Variants in TMBIM4 observed in about 807,000 individuals in gnomAD.
The protein encoded by TMBIM4 is protein lifeguard 4.
Under a neutral mutation model 27.7 loss-of-function variants are expected in TMBIM4, and 28 were observed. That is an observed-to-expected ratio of 1.01 (90% CI 0.75 to 1.38). The LOEUF (loss-of-function observed/expected upper bound fraction) is 1.38, where lower values mean the gene tolerates loss of function less well. Among genes scored for constraint, TMBIM4 ranks in the 40% most tolerant of loss-of-function variants. The probability of loss-of-function intolerance (pLI) is 0.00; values close to 1 mark genes in which losing one functional copy is unlikely to be tolerated. For missense variants in TMBIM4, 265 were observed against 277.5 expected (o/e 0.95, Z 0.32); for synonymous variants, 115 against 113.1 (o/e 1.02, Z -0.11).
intron 3 of TMBIM4, among the ~76,000 whole-genome samples, chr12:66,149,010 A>G (rs2136859795): frequency 6.6e-6 from 1 of 152,296 alleles, no homozygotes; most frequent in Admixed American, 6.5e-5. Context: ...ACTCCACCCT[A>G]CCTGATATCA....
At position 66,136,515 on chromosome 12, in the gene TMBIM4, T is replaced by C. The variant is rs532202235; in HGVS notation, c.*1445A>G. The C allele has an allele frequency of 6.5e-6, 1 of 154,252 alleles. No individual in the cohort carries two copies. Among genetic ancestry groups the C allele is most frequent in the South Asian group, 2.0e-4 (1 of 4,898 alleles). 9.6% of individuals were successfully genotyped at this position (154,252 alleles called of 1,614,324 possible). ...CAAAATTCACATGAAGAAATCCTAA[T>C]CCCAGCACTTCAGAATGTGACTGTA... On this transcript the variant is annotated 3_prime_UTR_variant, in exon 7 of 7. Coordinates refer to ENST00000358230, the MANE Select transcript of TMBIM4 (RefSeq NM_016056.4).
rs960636620 is a variant in TMBIM4 at position 66,136,354 on chromosome 12, T to G, written c.*1606A>C. 1 of 153,266 alleles carries G rather than the reference T, an allele frequency of 6.5e-6. No individual in the cohort carries two copies. The highest frequency in any genetic ancestry group is 1.5e-5 in the Non-Finnish European group (1 of 68,218). The allele number at this position is 153,266 out of a possible 1,614,324, so 9.5% of individuals were successfully genotyped here. A position where few individuals can be genotyped will look rare whatever the true frequency, so the allele number is the denominator to read the frequency against. On this transcript the variant is annotated 3_prime_UTR_variant, in exon 7 of 7. Transcript: ENST00000358230. ...TGATTGCACTGCATCATACACTTGA[T>G]AATTCAACAGTTAATGATAATAAAG...
Position 66,143,993 on chromosome 12 carries a change from C to T in TMBIM4, c.464+1848G>A, listed in dbSNP as rs145611200. Among the ~76,000 whole-genome samples, 352 of 152,210 alleles carry T rather than the reference C, an allele frequency of 2.3e-3. 2 individuals carry two copies. The highest frequency in any genetic ancestry group is 8.0e-3 in the African/African-American group (332 of 41,526). On this transcript the variant is annotated intron_variant, in intron 5 of 6. Coordinates refer to ENST00000358230, the MANE Select transcript of TMBIM4 (RefSeq NM_016056.4). The stretch of plus-strand genomic sequence containing the variant: ...ATTTTGCTAGAGAGTCATTACATGG[C>T]AATATCCAGTAACTAATAGCAGTAG...
chr12:66,149,414 C>T (rs1342150267), intron 3 of TMBIM4, among the ~76,000 whole-genome samples: 1 of 136,608 alleles, frequency 7.3e-6, no homozygotes. Flanking sequence ...CACTGCACTC[C>T]AGCCTGGGTG....
In TMBIM4 at chr12:66,136,199, A is replaced by C. The variant is rs2051579481; in HGVS notation, c.*1761T>G. 1 of 152,030 alleles carries C rather than the reference A, an allele frequency of 6.6e-6. No individual in the cohort carries two copies. The highest frequency in any genetic ancestry group is 2.1e-4 in the South Asian group (1 of 4,828). The allele number at this position is 152,030 out of a possible 1,614,324, so 9.4% of individuals were successfully genotyped here. ...ATAACAGCCCAATAAGCTAGACATCATTATTCCCATTATGAAGATGAGGCA... is the reference window on the plus strand; with the variant it reads ...ATAACAGCCCAATAAGCTAGACATCCTTATTCCCATTATGAAGATGAGGCA... On this transcript the variant is annotated 3_prime_UTR_variant, in exon 7 of 7. Transcript: ENST00000358230.
intron 1 of TMBIM4, among the ~76,000 whole-genome samples, chr12:66,155,060 T>G (rs1477109875): frequency 6.6e-6 from 1 of 152,206 alleles, no homozygotes; most frequent in Non-Finnish European, 1.5e-5. Flanking sequence ...GTCTGAATGC[T>G]TTGGGAGGTC....
At chr12:66,169,380 G>A (rs2052193072) in intron 1 of TMBIM4, 1 of 631,134 alleles carries the variant, frequency 1.6e-6, no homozygotes, top group Non-Finnish European at 2.8e-6. Flanking sequence ...GTGCCGTCAG[G>A]GAGCTTCCAG....
At chr12:66,168,353 G>C (rs547614298) in intron 1 of TMBIM4, among the ~76,000 whole-genome samples, 94 of 152,222 alleles carry the variant, frequency 6.2e-4, no homozygotes, top group African/African-American at 2.0e-3. Flanking sequence ...TTCACAGAGA[G>C]AGAAAGTGAA....
chr12:66,169,353 C>A, intron 1 of TMBIM4: 1 of 663,366 alleles, frequency 1.5e-6, no homozygotes, highest in Non-Finnish European at 2.7e-6. Flanking sequence ...CATTCTGGGC[C>A]CTGCGGAGAG....
At chr12:66,160,752 T>C (rs867658165) in intron 1 of TMBIM4, among the ~76,000 whole-genome samples, 1 of 152,240 alleles carries the variant, frequency 6.6e-6, no homozygotes, top group African/African-American at 2.4e-5. Context: ...CTTGGAGGGT[T>C]GCACAGCGGC....
Position 66,137,633 on chromosome 12 carries a change from A to G in TMBIM4, c.*327T>C, listed in dbSNP as rs1263985899. 1 of 264,036 alleles carries G rather than the reference A, an allele frequency of 3.8e-6. No homozygotes were observed. The allele number at this position is 264,036 out of a possible 1,614,324, so 16.4% of individuals were successfully genotyped here. The stretch of plus-strand genomic sequence containing the variant: ...ATGGTCTCAACCTCTTGACCTCGTG[A>G]TCCACCTGCCTCGGTCTCCCAAAGT... On this transcript the variant is annotated 3_prime_UTR_variant, in exon 7 of 7. Coordinates refer to ENST00000358230, the MANE Select transcript of TMBIM4 (RefSeq NM_016056.4).
In TMBIM4 at chr12:66,152,343, A is replaced by C; in HGVS notation, c.240T>G (p.Ser80=). Residue 80 remains serine (S), a synonymous_variant, in exon 3 of 7, where the codon TCT becomes TCG. Transcript: ENST00000358230. ...PALILLFALG[S]LGLIFALILN... ...AAATCAACGCAAAAATCAAACCCAG[A>C]GATCCGAGGGCAAACAGCAAAATTA... is the stretch of plus-strand genomic sequence containing the variant. 1 of 1,609,878 alleles carries C rather than the reference A, an allele frequency of 6.2e-7. No homozygotes were observed. Among genetic ancestry groups the C allele is most frequent in the Non-Finnish European group, 8.5e-7 (1 of 1,177,544 alleles).
In TMBIM4 at chr12:66,137,878, A is replaced by G. The variant is rs904205884; in HGVS notation, c.*82T>C. 1.8e-6 allele frequency: 2 copies of G among 1,112,518 alleles called. No individual in the cohort carries two copies. Among genetic ancestry groups the G allele is most frequent in the Non-Finnish European group, 1.3e-6 (1 of 753,598 alleles). 68.9% of individuals were successfully genotyped at this position (1,112,518 alleles called of 1,614,324 possible). On this transcript the variant is annotated 3_prime_UTR_variant, in exon 7 of 7. Coordinates refer to ENST00000358230, the MANE Select transcript of TMBIM4 (RefSeq NM_016056.4). ...TTTATTACTTAATGAAACAGTTTCT[A>G]TATACTGCTTCCAATTACTTTAATC...
intron 4 of TMBIM4, among the ~76,000 whole-genome samples, chr12:66,147,600 T>C (rs1235122353): frequency 6.6e-6 from 1 of 152,216 alleles, no homozygotes; most frequent in African/African-American, 2.4e-5. Flanking sequence ...TGTTCTCAGT[T>C]ACTTGATGAT....
At chr12:66,160,316 CA>C (rs2052013224) in intron 1 of TMBIM4, 1 of 677,464 alleles carries the variant, frequency 1.5e-6, no homozygotes, top group Non-Finnish European at 2.7e-6. Context: ...CTGATTAAAT[CA>C]ATCAAATTTA....
intron 1 of TMBIM4, among the ~76,000 whole-genome samples, chr12:66,165,028 C>T (rs1299362248): frequency 6.6e-6 from 1 of 152,060 alleles, no homozygotes; most frequent in African/African-American, 2.4e-5. Context: ...ACCAAGAAGA[C>T]AAATTTGAAA....
chr12:66,168,047 C>T (rs1245104874), intron 1 of TMBIM4, among the ~76,000 whole-genome samples: 1 of 151,654 alleles, frequency 6.6e-6, no homozygotes, highest in East Asian at 1.9e-4. Flanking sequence ...TGGAGAAACC[C>T]GTCTCTACCA....
At chr12:66,162,937 C>A (rs1273829257) in intron 1 of TMBIM4, among the ~76,000 whole-genome samples, 1 of 152,244 alleles carries the variant, frequency 6.6e-6, no homozygotes, top group Non-Finnish European at 1.5e-5. Context: ...GCCTTAAGAA[C>A]AGTGACTGTG....
chr12:66,160,375 T>C (rs532140967), intron 1 of TMBIM4: 6 of 589,430 alleles, frequency 1.0e-5, no homozygotes, highest in Admixed American at 2.9e-5. Context: ...CAAAAATTTA[T>C]AGTAAAGTCA....
Sources: allele counts gnomAD v4.1 joint callset (sites outside exome capture counted in the v4.1 genomes callset), GRCh38; gene constraint gnomAD v4.1.1; transcripts MANE v1.5; gene names NCBI Gene and HGNC (gene_info 2026-07-23, HGNC 2026-07-21).